NT5DC3: variants seen among roughly 807,000 people sequenced by gnomAD.
The protein encoded by NT5DC3 is 5'-nucleotidase domain-containing protein 3.
In NT5DC3, 42 loss-of-function variants were observed where a neutral mutation model predicts 67.8. That is an observed-to-expected ratio of 0.62 (90% CI 0.48 to 0.80). NT5DC3 has a LOEUF of 0.80. Ranked by LOEUF, NT5DC3 falls within the 30% of genes least tolerant of loss-of-function variation. NT5DC3 has a pLI of 0.00. For synonymous variants in NT5DC3, 237 were observed against 255.6 expected (o/e 0.93, Z 0.69); for missense variants, 570 against 696.4 (o/e 0.82, Z 2.04).
At chr12:103,753,463 CAG>C in the NT5DC3 span, 1 of 1,442,958 alleles carries the variant, frequency 6.9e-7, no homozygotes, top group Non-Finnish European at 9.5e-7. Flanking sequence ...CAAGGGAGTG[CAG>C]GTAGCTCCTG....
At chr12:103,816,571 T>C (rs1887262117) in intron 1 of NT5DC3, among the ~76,000 whole-genome samples, 1 of 152,214 alleles carries the variant, frequency 6.6e-6, no homozygotes, top group Non-Finnish European at 1.5e-5. Flanking sequence ...GTTCTAACTA[T>C]TTGTAAGGAC....
intron 1 of NT5DC3, among the ~76,000 whole-genome samples, chr12:103,816,741 G>A (rs906426859): frequency 1.3e-5 from 2 of 152,026 alleles, no homozygotes; most frequent in African/African-American, 4.8e-5. Flanking sequence ...TTTATTATTA[G>A]AATTATTTCA....
At chr12:103,798,531 G>T in intron 5 of NT5DC3, 56 bp downstream of exon 5, 1 of 1,219,746 alleles carries the variant, frequency 8.2e-7, no homozygotes, top group Non-Finnish European at 1.2e-6. Flanking sequence ...GTTCGACAAG[G>T]CCATGTTTCA....
the NT5DC3 span, among the ~76,000 whole-genome samples, chr12:103,749,489 G>T: frequency 6.6e-6 from 1 of 151,942 alleles, no homozygotes; most frequent in Non-Finnish European, 1.5e-5. Flanking sequence ...TTGCTCTTTG[G>T]CCACCCTTCT....
chr12:103,808,921 T>A (rs1023280069), intron 2 of NT5DC3, among the ~76,000 whole-genome samples: 3 of 152,252 alleles, frequency 2.0e-5, no homozygotes, highest in Non-Finnish European at 4.4e-5. Flanking sequence ...TCCATGACTT[T>A]CTTTATCTTT....
chr12:103,828,665 G>A (rs1198623187), intron 1 of NT5DC3, among the ~76,000 whole-genome samples: 6 of 151,056 alleles, frequency 4.0e-5, no homozygotes, highest in Non-Finnish European at 5.9e-5. Context: ...CCCAGATTTC[G>A]GTGTTTACCA....
chr12:103,809,270 G>T lies in NT5DC3; in HGVS notation c.394-2341C>A, dbSNP rs1231311840. 3.9e-5 allele frequency among the ~76,000 whole-genome samples: 6 copies of T among 152,272 alleles called. No homozygotes were observed. The East Asian group carries it at 1.2e-3, about 29-fold the overall frequency. On this transcript the variant is annotated intron_variant, in intron 2 of 13. Coordinates refer to ENST00000392876, the MANE Select transcript of NT5DC3 (RefSeq NM_001031701.3). ...GTTGATTGCTGGCACTTAAATAAGAGAGTGTTTACTGCTGAAAAGTCTGGT... is the reference window on the plus strand; with the variant it reads ...GTTGATTGCTGGCACTTAAATAAGATAGTGTTTACTGCTGAAAAGTCTGGT...
At chr12:103,815,452 C>T (rs779869648) in intron 1 of NT5DC3, among the ~76,000 whole-genome samples, 7 of 152,132 alleles carry the variant, frequency 4.6e-5, no homozygotes, top group African/African-American at 1.7e-4. Flanking sequence ...GATAAGGTCT[C>T]GCTCTGTTAA....
At chr12:103,814,440 G>C (rs1429596651) in intron 2 of NT5DC3, among the ~76,000 whole-genome samples, 1 of 152,122 alleles carries the variant, frequency 6.6e-6, no homozygotes, top group East Asian at 1.9e-4. Context: ...ACTCAAATCA[G>C]ACTACAGAAA....
chr12:103,835,057 G>A (rs952092879), intron 1 of NT5DC3, among the ~76,000 whole-genome samples: 4 of 152,090 alleles, frequency 2.6e-5, no homozygotes, highest in African/African-American at 7.2e-5. Context: ...GAGGTAGAAT[G>A]TCACTCATCT....
intron 2 of NT5DC3, among the ~76,000 whole-genome samples, chr12:103,809,347 C>A (rs1198016597): frequency 6.6e-6 from 1 of 152,250 alleles, no homozygotes; most frequent in Non-Finnish European, 1.5e-5. Context: ...GACATGCCCT[C>A]CACACACTCA....
intron 13 of NT5DC3, among the ~76,000 whole-genome samples, chr12:103,778,499 C>T (rs1249082944): frequency 6.6e-6 from 1 of 152,130 alleles, no homozygotes; most frequent in Non-Finnish European, 1.5e-5. Flanking sequence ...CCACTGCACT[C>T]CAGCCTGGGC....
At chr12:103,748,584 C>CCACACACA in the NT5DC3 span, among the ~76,000 whole-genome samples, 2 of 141,856 alleles carry the variant, frequency 1.4e-5, no homozygotes, top group Non-Finnish European at 3.1e-5. Context: ...TAACTCTACA[C>CCACACACA]CACACACACA....
chr12:103,821,705 A>T (rs1248366076), intron 1 of NT5DC3, among the ~76,000 whole-genome samples: 4 of 152,226 alleles, frequency 2.6e-5, no homozygotes, highest in African/African-American at 9.6e-5. Flanking sequence ...TTACATCCAA[A>T]GGAATTCTAA....
chr12:103,838,890 A>G (rs1165593), intron 1 of NT5DC3, among the ~76,000 whole-genome samples: 24,085 of 152,262 alleles, frequency 0.16, 2,307 homozygotes, highest in East Asian at 0.39. Flanking sequence ...CATCAGCCTA[A>G]CATTTTTGAA....
chr12:103,774,603 G>A lies in NT5DC3; in HGVS notation c.*3226C>T, dbSNP rs182706418. ...GGAGGCTGAGGCAGGAGAATCACTT[G>A]AACCCAGGAGGCGGAGGTTGGAGTG... On this transcript the variant is annotated 3_prime_UTR_variant, in exon 14 of 14. Transcript: ENST00000392876. The A allele has an allele frequency of 6.7e-3, 997 of 148,484 alleles. 8 individuals are homozygous for A. The highest frequency in any genetic ancestry group is 9.4e-3 in the Non-Finnish European group (634 of 67,730). The allele number at this position is 148,484 out of a possible 1,614,324, so 9.2% of individuals were successfully genotyped here. A position where few individuals can be genotyped will look rare whatever the true frequency, so the allele number is the denominator to read the frequency against.
At position 103,836,856 on chromosome 12, in the gene NT5DC3, C is replaced by T. The variant is rs991682714; in HGVS notation, c.208+4093G>A. Among the ~76,000 whole-genome samples, 12 of 152,290 alleles carry T rather than the reference C, an allele frequency of 7.9e-5. 1 individual carries two copies. The highest frequency in any genetic ancestry group is 1.9e-4 in the East Asian group (1 of 5,178). On this transcript the variant is annotated intron_variant, in intron 1 of 13. Transcript: ENST00000392876. The stretch of plus-strand genomic sequence containing the variant: ...GTGGGCGTCGAATGTCTGTCTGTGG[C>T]TTCTGCAGGTGCAAGCTGTCGGTGG...
chr12:103,806,976 G>T, intron 2 of NT5DC3, 47 bp from the exon 3 acceptor site: 3 of 1,096,872 alleles, frequency 2.7e-6, no homozygotes, highest in Non-Finnish European at 4.2e-6. Context: ...TGTGCCAAGT[G>T]CAGGATCCTG....
At chr12:103,828,469 C>T (rs950053495) in intron 1 of NT5DC3, among the ~76,000 whole-genome samples, 2 of 152,152 alleles carry the variant, frequency 1.3e-5, no homozygotes, top group East Asian at 1.9e-4. Flanking sequence ...TCTTGTACGA[C>T]CACAGGATCA....
Sources: gnomAD v4.1 joint callset for allele counts (sites outside exome capture counted in the v4.1 genomes callset) on GRCh38, gnomAD v4.1.1 for gene constraint, MANE v1.5 for transcripts, NCBI Gene and HGNC (gene_info 2026-07-23, HGNC 2026-07-21) for gene names.